PCDH11Y: variants seen among roughly 807,000 people sequenced by gnomAD.
PCDH11Y encodes protocadherin 11 Y-linked, also known as protocadherin-11 Y-linked.
For missense variants in PCDH11Y, 12 were observed against 224.8 expected (o/e 0.05, Z 6.05); for synonymous variants, 9 against 83.6 (o/e 0.11, Z 4.87).
chrY:5,202,373 T>A (rs2124650000), intron 2 of PCDH11Y, among the ~76,000 whole-genome samples: 1 of 32,863 alleles, frequency 3.0e-5, no homozygotes, highest in South Asian at 7.0e-4. Flanking sequence ...TGCTGGGTTC[T>A]GCTTTAAATT....
chrY:5,562,730 C>T, intron 3 of PCDH11Y, among the ~76,000 whole-genome samples: 1 of 20,893 alleles, frequency 4.8e-5, no homozygotes, highest in Non-Finnish European at 1.0e-4. Flanking sequence ...CACTGCAGTC[C>T]GCAGTCCGGC....
chrY:5,386,499 G>T (rs2053215922), intron 2 of PCDH11Y, among the ~76,000 whole-genome samples: 1 of 32,723 alleles, frequency 3.1e-5, no homozygotes, highest in Non-Finnish European at 7.4e-5. Flanking sequence ...ATTATCTTAG[G>T]TTTGGTCATT....
chrY:5,698,092 T>C, intron 4 of PCDH11Y, among the ~76,000 whole-genome samples: 1 of 32,036 alleles, frequency 3.1e-5, no homozygotes, highest in African/African-American at 1.2e-4. Context: ...TTAGGCCAGA[T>C]AAGAAATTCC....
chrY:5,179,869 T>C, intron 2 of PCDH11Y, among the ~76,000 whole-genome samples: 20 of 32,948 alleles, frequency 6.1e-4, no homozygotes, highest in Admixed American at 5.3e-3. Context: ...GCACCAGTTA[T>C]TAAATAGGGA....
chrY:5,693,696 A>C, intron 4 of PCDH11Y, among the ~76,000 whole-genome samples: 4 of 33,534 alleles, frequency 1.2e-4, no homozygotes, highest in Non-Finnish European at 3.0e-4. Context: ...GGATGCTTAT[A>C]TATCTCCCAA....
intron 2 of PCDH11Y, among the ~76,000 whole-genome samples, chrY:5,329,563 G>A (rs2053127314): frequency 3.0e-5 from 1 of 32,929 alleles, no homozygotes; most frequent in Non-Finnish European, 7.5e-5. Flanking sequence ...GCATCCCTGC[G>A]TGGTCTGACA....
chrY:5,624,197 T>C (rs2053504001), intron 4 of PCDH11Y, among the ~76,000 whole-genome samples: 1 of 32,346 alleles, frequency 3.1e-5, no homozygotes, highest in Non-Finnish European at 7.6e-5. Flanking sequence ...GTTTTTTTGT[T>C]TGTTAATTTG....
intron 2 of PCDH11Y, among the ~76,000 whole-genome samples, chrY:5,206,983 A>G: frequency 3.2e-5 from 1 of 31,696 alleles, no homozygotes; most frequent in African/African-American, 1.2e-4. Flanking sequence ...TGGCATCTCA[A>G]AGTGGCTGCC....
chrY:5,239,138 C>G (rs2052984972), intron 2 of PCDH11Y, among the ~76,000 whole-genome samples: 13 of 32,566 alleles, frequency 4.0e-4, no homozygotes. Flanking sequence ...ATGTTTATTG[C>G]GGCACTATTC....
intron 2 of PCDH11Y, among the ~76,000 whole-genome samples, chrY:5,258,108 A>T: frequency 3.1e-5 from 1 of 31,795 alleles, no homozygotes; most frequent in Non-Finnish European, 7.7e-5. Context: ...CCTTTAAATT[A>T]GTCCTTTAAA....
chrY:5,125,022 GAT>G (rs2052823723), intron 2 of PCDH11Y, among the ~76,000 whole-genome samples: 2 of 32,068 alleles, frequency 6.2e-5, no homozygotes, highest in Admixed American at 5.8e-4. Flanking sequence ...AATGATAGCA[GAT>G]AATATTTTTC....
intron 3 of PCDH11Y, among the ~76,000 whole-genome samples, chrY:5,507,005 C>T (rs1602935590): frequency 3.8e-4 from 12 of 31,920 alleles, no homozygotes; most frequent in African/African-American, 9.7e-4. Flanking sequence ...TGATTATTAC[C>T]AGTTTATTTT....
chrY:5,613,419 G>C, intron 4 of PCDH11Y, among the ~76,000 whole-genome samples: 1 of 31,175 alleles, frequency 3.2e-5, no homozygotes, highest in Non-Finnish European at 7.7e-5. Context: ...GCAATTATTG[G>C]ACATGAAATA....
At chrY:5,266,265 A>G (rs2053025642) in intron 2 of PCDH11Y, among the ~76,000 whole-genome samples, 18 of 33,860 alleles carry the variant, frequency 5.3e-4, no homozygotes, top group Non-Finnish European at 8.8e-4. Flanking sequence ...GGCTGGGCAC[A>G]GTGGCTTATG....
intron 1 of PCDH11Y, among the ~76,000 whole-genome samples, chrY:5,062,091 A>G: frequency 3.1e-5 from 1 of 32,596 alleles, no homozygotes; most frequent in African/African-American, 1.2e-4. Flanking sequence ...TGAGACATCA[A>G]ATAATACATT....
intron 2 of PCDH11Y, among the ~76,000 whole-genome samples, chrY:5,227,200 G>A: frequency 3.1e-5 from 1 of 32,370 alleles, no homozygotes. Context: ...TGTGGCTATT[G>A]TAAATAGGAC....
chrY:5,407,722 G>T (rs2124677745), intron 2 of PCDH11Y, among the ~76,000 whole-genome samples: 1 of 30,866 alleles, frequency 3.2e-5, no homozygotes, highest in East Asian at 8.6e-4. Context: ...GACCATTCTG[G>T]CTAACAAGGT....
At chrY:5,337,771 C>T in intron 2 of PCDH11Y, 1 of 383,887 alleles carries the variant, frequency 2.6e-6, no homozygotes, top group Non-Finnish European at 3.6e-6. Context: ...ACATTGGGGG[C>T]ATTTCCTCAA....
At chrY:5,038,153 T>C (rs2052602188) in intron 3 of PCDH11Y, among the ~76,000 whole-genome samples, 1 of 32,676 alleles carries the variant, frequency 3.1e-5, no homozygotes, top group Non-Finnish European at 7.5e-5. Flanking sequence ...TGAGGCAATG[T>C]GGACTGAGGG....
Sources: allele counts gnomAD v4.1 joint callset (sites outside exome capture counted in the v4.1 genomes callset), GRCh38; gene constraint gnomAD v4.1.1; transcripts MANE v1.5; gene names NCBI Gene and HGNC (gene_info 2026-07-23, HGNC 2026-07-21).